The following FHAD1 variants were observed in gnomAD, a reference collection of about 807,000 sequenced individuals.
FHAD1 encodes forkhead associated phosphopeptide binding domain 1.
A neutral mutation model predicts 191.3 loss-of-function variants in FHAD1; 146 were observed. The ratio of observed to expected loss-of-function variants is 0.76; its 90% confidence interval spans 0.67 to 0.88. The LOEUF is 0.88. FHAD1 is among the 40% of genes least tolerant of loss of function. The pLI is 0.00. For synonymous variants in FHAD1, 616 were observed against 672.3 expected, an observed-to-expected ratio of 0.92 and a Z score of 1.29; for missense variants, 1,635 against 1,785.8, an observed-to-expected ratio of 0.92 and a Z score of 1.52.
intron 12 of FHAD1, chr1:15,328,048 G>T: frequency 1.8e-5 from 3 of 162,270 alleles, no homozygotes; most frequent in Non-Finnish European, 3.7e-5. Context: ...AAAAAAAAAA[G>T]AAAAGAAAAA....
intron 28 of FHAD1, among the ~76,000 whole-genome samples, chr1:15,377,038 G>A (rs1269878772): frequency 1.3e-5 from 2 of 152,146 alleles, no homozygotes; most frequent in South Asian, 4.1e-4. Context: ...TTCCAGAAGT[G>A]ATTTGATTGT....
intron 14 of FHAD1, among the ~76,000 whole-genome samples, chr1:15,333,633 A>G (rs1239015572): frequency 6.6e-6 from 1 of 151,962 alleles, no homozygotes; most frequent in Non-Finnish European, 1.5e-5. Context: ...TCCCCAGTCT[A>G]TTCATCGCCA....
At chr1:15,368,205 C>T (rs888784681) in intron 25 of FHAD1, among the ~76,000 whole-genome samples, 5 of 151,918 alleles carry the variant, frequency 3.3e-5, no homozygotes, top group Non-Finnish European at 7.4e-5. Flanking sequence ...AACTCCTGAC[C>T]TCAAGTGACT....
At chr1:15,385,548 G>A (rs1369034557) in intron 31 of FHAD1, among the ~76,000 whole-genome samples, 3 of 152,168 alleles carry the variant, frequency 2.0e-5, no homozygotes, top group Admixed American at 6.5e-5. Context: ...AACTTTGGGA[G>A]GCTGATGCAG....
rs530364724 is a variant in FHAD1 at position 15,311,840 on chromosome 1, G to C, written c.1040-1217G>C. 6.6e-6 allele frequency among the ~76,000 whole-genome samples: 1 copy of C among 152,290 alleles called. No individual in the cohort carries two copies. Among genetic ancestry groups the C allele is most frequent in the Admixed American group, 6.5e-5 (1 of 15,296 alleles). On this transcript the variant is annotated intron_variant, in intron 7 of 33. Transcript: ENST00000688493. The surrounding 1 kb of genome is among the most constrained non-coding windows in gnomAD (Gnocchi z 4.1). The stretch of plus-strand genomic sequence containing the variant: ...GCAACAAATATGTTTATCTTACCCG[G>C]TTTCTGTGGTTCAGGAACTTGGGAG...
chr1:15,253,965 A>G (rs1573661334), intron 2 of FHAD1, among the ~76,000 whole-genome samples: 1 of 152,164 alleles, frequency 6.6e-6, no homozygotes, highest in East Asian at 1.9e-4. Flanking sequence ...TTCTTTATCA[A>G]ATGGAGAACA....
chr1:15,316,324 A>G lies in FHAD1; in HGVS notation c.1171-54A>G. On this transcript the variant is annotated intron_variant, in intron 8 of 33. Transcript: ENST00000688493. This position sits in a 1 kb window ranked among gnomAD's most constrained non-coding sequence, Gnocchi z 4.3. ...GGCCTTGGAGCCCCTCCTTCCCCCG[A>G]CAACCCTACCTGGCCAACGTTGGCC... The G allele has an allele frequency of 6.9e-7, 1 of 1,450,326 alleles. No homozygotes were observed. The highest frequency in any genetic ancestry group is 9.5e-7 in the Non-Finnish European group (1 of 1,057,698). The allele number at this position is 1,450,326 out of a possible 1,614,324, so 89.8% of individuals were successfully genotyped here.
intron 3 of FHAD1, among the ~76,000 whole-genome samples, chr1:15,273,461 G>A (rs1656986114): frequency 6.8e-6 from 1 of 146,898 alleles, no homozygotes; most frequent in Non-Finnish European, 1.5e-5. Context: ...AAGTGCACCC[G>A]TCACACTACA....
chr1:15,383,224 C>A (rs1701327501), intron 31 of FHAD1: 1 of 470,930 alleles, frequency 2.1e-6, no homozygotes, highest in Non-Finnish European at 4.4e-6. Flanking sequence ...GCATCCCTCG[C>A]TATCTGCTGT....
chr1:15,338,960 C>T (rs1685409676), intron 14 of FHAD1, among the ~76,000 whole-genome samples: 1 of 152,166 alleles, frequency 6.6e-6, no homozygotes, highest in Non-Finnish European at 1.5e-5. Flanking sequence ...GGGTTGTTTT[C>T]CACCTCCAAA....
intron 2 of FHAD1, among the ~76,000 whole-genome samples, chr1:15,263,510 CTTTTTTTTTTTT>C (rs771788861): frequency 2.7e-5 from 2 of 75,028 alleles, no homozygotes; most frequent in Non-Finnish European, 2.7e-5. Context: ...CAGTTTTATT[CTTTTTTTTTTTT>C]TTTTTTTTTT....
Position 15,324,360 on chromosome 1 carries a change from C to A in FHAD1, c.1366-92C>A, listed in dbSNP as rs1405272568. The A allele has an allele frequency of 5.0e-6, 5 of 1,006,656 alleles. No homozygotes were observed. The East Asian group carries it at 1.0e-4, about 21-fold the overall frequency. The allele number at this position is 1,006,656 out of a possible 1,614,324, so 62.4% of individuals were successfully genotyped here. On this transcript the variant is annotated intron_variant, in intron 10 of 33. Coordinates refer to ENST00000688493, the MANE Select transcript of FHAD1 (RefSeq NM_001391957.1). ...TGCAGCTGTGCCTACCCCTCTGGGA[C>A]CCCCCACGGCCATTAGACATCCTAG...
chr1:15,271,299 C>T (rs1020074937), intron 2 of FHAD1, among the ~76,000 whole-genome samples: 2 of 152,132 alleles, frequency 1.3e-5, no homozygotes, highest in African/African-American at 2.4e-5. Context: ...GGTGACGGAG[C>T]GAGACTCTGT....
intron 31 of FHAD1, among the ~76,000 whole-genome samples, chr1:15,382,753 G>A (rs1358339837): frequency 6.6e-6 from 1 of 152,208 alleles, no homozygotes; most frequent in Admixed American, 6.5e-5. Flanking sequence ...TCCAGGAAGG[G>A]CACTCAGCCT....
At chr1:15,242,891 G>A (rs930980770), upstream of FHAD1, among the ~76,000 whole-genome samples, 4 of 152,166 alleles carry the variant, frequency 2.6e-5, no homozygotes, top group African/African-American at 7.2e-5. Context: ...TGTTTCATAC[G>A]TCTTAACCCA....
At chr1:15,330,485 TG>T (rs1290797090) in intron 14 of FHAD1, among the ~76,000 whole-genome samples, 1 of 152,080 alleles carries the variant, frequency 6.6e-6, no homozygotes, top group Non-Finnish European at 1.5e-5. Context: ...AATAAAATAC[TG>T]GGGAAAAAAA....
rs558130904 is a variant in FHAD1 at position 15,327,506 on chromosome 1, G to C, written c.1557+364G>C. The C allele has an allele frequency of 7.6e-4, 138 of 182,426 alleles. No individual in the cohort carries two copies. Among genetic ancestry groups the C allele is most frequent in the Admixed American group, 5.2e-3 (85 of 16,478 alleles). 11.3% of individuals were successfully genotyped at this position (182,426 alleles called of 1,614,324 possible). A position where few individuals can be genotyped will look rare whatever the true frequency, so the allele number is the denominator to read the frequency against. ...GAGAAAAGTTGACAGTGGCAGTGAG[G>C]GTGGATGTCTGGCTGTAATGATTGC... On this transcript the variant is annotated intron_variant, in intron 12 of 33. Coordinates refer to ENST00000688493, the MANE Select transcript of FHAD1 (RefSeq NM_001391957.1). This position sits in a 1 kb window ranked among gnomAD's most constrained non-coding sequence, Gnocchi z 5.1.
intron 6 of FHAD1, among the ~76,000 whole-genome samples, chr1:15,302,276 C>T (rs1669056602): frequency 1.3e-5 from 2 of 152,232 alleles, no homozygotes; most frequent in African/African-American, 4.8e-5. Flanking sequence ...GTTCCAAACA[C>T]AGAGGCCTTT....
chr1:15,345,263 C>G, intron 17 of FHAD1, 73 bp downstream of exon 17: 2 of 1,413,808 alleles, frequency 1.4e-6, no homozygotes, highest in South Asian at 1.2e-5. Flanking sequence ...GGGCTCTGGT[C>G]TGGGCCCGCC....
Sources: allele counts gnomAD v4.1 joint callset (sites outside exome capture counted in the v4.1 genomes callset), GRCh38; gene constraint gnomAD v4.1.1; non-coding constraint Gnocchi (gnomAD v3.1); transcripts MANE v1.5; gene names NCBI Gene and HGNC (gene_info 2026-07-23, HGNC 2026-07-21).